The following SNHG17 variants were observed in gnomAD, a reference collection of about 807,000 sequenced individuals.
SNHG17 encodes small nucleolar RNA host gene 17.
At position 38,435,005 on chromosome 20, in the gene SNHG17, C is replaced by G. The variant is rs1044355866; in HGVS notation, n.185+192G>C. On this transcript the variant is annotated intron_variant and non_coding_transcript_variant, in intron 1 of 8. Transcript: ENST00000654008. ...CCGCACGTGGCCCGCTCAGCACTGC[C>G]GCGGCCAAGGGCGCGACTCACCTGC... 2.4e-4 allele frequency: 297 copies of G among 1,230,144 alleles called. 5 individuals carry two copies. The East Asian group carries it at 8.1e-3, about 34-fold the overall frequency. The allele number at this position is 1,230,144 out of a possible 1,614,324, so 76.2% of individuals were successfully genotyped here.
At chr20:38,430,192 G>A (rs1033908884) in intron 3 of SNHG17, among the ~76,000 whole-genome samples, 1 of 152,096 alleles carries the variant, frequency 6.6e-6, no homozygotes, top group Admixed American at 6.6e-5. Flanking sequence ...ATGGTGGCAG[G>A]CACCTGTAAT....
intron 3 of SNHG17, chr20:38,430,780 T>C (rs2084329988): frequency 6.6e-6 from 1 of 152,194 alleles, no homozygotes; most frequent in Non-Finnish European, 1.5e-5. Context: ...CAACACATGG[T>C]TTTCCTCTCA....
At chr20:38,432,984 T>G (rs369134818) in intron 2 of SNHG17, among the ~76,000 whole-genome samples, 1 of 151,968 alleles carries the variant, frequency 6.6e-6, no homozygotes, top group East Asian at 1.9e-4. Flanking sequence ...TTTTTTGTTT[T>G]TTGTTAGGGA....
At chr20:38,433,825 C>T (rs778988691) in intron 2 of SNHG17, 7 of 519,000 alleles carry the variant, frequency 1.3e-5, no homozygotes, top group Non-Finnish European at 2.3e-5. Context: ...TAATAAGACA[C>T]CAAGTGCCAG....
chr20:38,424,680 C>A (rs2084215442), intron 5 of SNHG17, among the ~76,000 whole-genome samples: 1 of 152,152 alleles, frequency 6.6e-6, no homozygotes, highest in Non-Finnish European at 1.5e-5. Context: ...AATTCCCAGA[C>A]AGTGTGACCA....
At position 38,433,756 on chromosome 20, in the gene SNHG17, T is replaced by C. The variant is rs916104148; in HGVS notation, n.308+748A>G. On this transcript the variant is annotated intron_variant and non_coding_transcript_variant, in intron 2 of 8. Coordinates refer to ENST00000654008, the Ensembl canonical transcript of SNHG17. ...TCCTGAGGCAGGGACTCACCCCTCA[T>C]AGACCCTGGTGAACGCCTCATGGAA... The C allele has an allele frequency of 1.6e-5, 8 of 510,788 alleles. No individual in the cohort carries two copies. In the East Asian group the frequency reaches 3.8e-4, roughly 24 times the overall value. The allele number at this position is 510,788 out of a possible 1,614,324, so 31.6% of individuals were successfully genotyped here. A position where few individuals can be genotyped will look rare whatever the true frequency, so the allele number is the denominator to read the frequency against.
chr20:38,434,841 G>T (rs2084404888), intron 1 of SNHG17: 3 of 985,282 alleles, frequency 3.0e-6, no homozygotes, highest in Non-Finnish European at 3.6e-6. Flanking sequence ...GCACTTTGTA[G>T]GCAACAGTCA....
intron 1 of SNHG17, chr20:38,434,927 C>G (rs2084406374): frequency 8.2e-7 from 1 of 1,225,358 alleles, no homozygotes; most frequent in African/African-American, 1.6e-5. Flanking sequence ...TCCCGCCATC[C>G]AGGGGCACTA....
intron 5 of SNHG17, among the ~76,000 whole-genome samples, chr20:38,425,777 G>A (rs575117161): frequency 1.3e-5 from 2 of 152,220 alleles, no homozygotes; most frequent in Admixed American, 6.5e-5. Flanking sequence ...TCCACACGTC[G>A]GCCAGGCCTG....
At chr20:38,424,682 G>A (rs756589863) in intron 5 of SNHG17, among the ~76,000 whole-genome samples, 38 of 152,222 alleles carry the variant, frequency 2.5e-4, no homozygotes, top group Non-Finnish European at 5.1e-4. Context: ...TTCCCAGACA[G>A]TGTGACCAGT....
chr20:38,434,777 A>C (rs1271540083), intron 1 of SNHG17: 1 of 914,452 alleles, frequency 1.1e-6, no homozygotes, highest in East Asian at 1.2e-4. Context: ...CTACTTTTAA[A>C]AGTTATTGAG....
intron 2 of SNHG17, among the ~76,000 whole-genome samples, chr20:38,432,618 AC>A (rs2084358261): frequency 6.6e-6 from 1 of 152,060 alleles, no homozygotes; most frequent in South Asian, 2.1e-4. Flanking sequence ...AGCTCTGACC[AC>A]CCCCACACAG....
chr20:38,434,798 G>A, intron 1 of SNHG17: 1 of 966,230 alleles, frequency 1.0e-6, no homozygotes, highest in Non-Finnish European at 1.2e-6. Context: ...GGGAAAACGA[G>A]TTAACGGTCT....
intron 3 of SNHG17, chr20:38,428,552 T>G (rs534103265): frequency 6.6e-6 from 1 of 152,382 alleles, no homozygotes; most frequent in South Asian, 2.1e-4. Flanking sequence ...TCTTCTCACC[T>G]GAACAGCCAT....
chr20:38,434,961 C>A, intron 1 of SNHG17: 1 of 1,228,538 alleles, frequency 8.1e-7, no homozygotes, highest in Non-Finnish European at 1.0e-6. Context: ...AGTAGCTGCG[C>A]GGACAGGGGG....
At chr20:38,431,715 T>C (rs1220221301) in intron 2 of SNHG17, among the ~76,000 whole-genome samples, 1 of 152,174 alleles carries the variant, frequency 6.6e-6, no homozygotes, top group African/African-American at 2.4e-5. Flanking sequence ...GGTAAAGCGT[T>C]TGGGACCAAG....
intron 3 of SNHG17, chr20:38,428,907 C>T (rs915049733): frequency 8.5e-5 from 13 of 152,270 alleles, no homozygotes; most frequent in African/African-American, 2.9e-4. Context: ...CCTCCCCATA[C>T]AAGGCCAAGG....
chr20:38,423,695 G>A (rs565448156), intron 5 of SNHG17, among the ~76,000 whole-genome samples: 137 of 152,054 alleles, frequency 9.0e-4, no homozygotes, highest in African/African-American at 3.2e-3. Flanking sequence ...GAGGGCTCAC[G>A]CACAACATAA....
At chr20:38,427,931 C>T (rs963333156) in intron 3 of SNHG17, 1 of 152,298 alleles carries the variant, frequency 6.6e-6, no homozygotes, top group Non-Finnish European at 1.5e-5. Flanking sequence ...CATGGAGGCC[C>T]TACTGGGCTT....
Sources: gnomAD v4.1 joint callset for allele counts (sites outside exome capture counted in the v4.1 genomes callset) on GRCh38, gnomAD v4.1.1 for gene constraint, MANE v1.5 for transcripts, NCBI Gene and HGNC (gene_info 2026-07-23, HGNC 2026-07-21) for gene names.